Variants in RNMT observed in about 807,000 individuals in gnomAD.
The protein encoded by RNMT is RNA guanine-7 methyltransferase.
Under a neutral mutation model 56.0 loss-of-function variants are expected in RNMT, and 27 were observed. The observed-to-expected ratio is 0.48, with a 90% confidence interval of 0.36 to 0.67. The LOEUF is 0.67. Ranked by LOEUF, RNMT falls within the 30% of genes least tolerant of loss-of-function variation. The pLI is 0.00. For missense variants in RNMT, 519 were observed against 552.1 expected, an observed-to-expected ratio of 0.94 and a Z score of 0.60; for synonymous variants, 184 against 176.2, an observed-to-expected ratio of 1.04 and a Z score of -0.35.
chr18:13,741,660 A>G lies in RNMT; in HGVS notation c.943A>G (p.Ile315Val), dbSNP rs779298591. 35 of 1,613,456 alleles carry G rather than the reference A, an allele frequency of 2.2e-5. No homozygotes were observed. The highest frequency in any genetic ancestry group is 3.0e-5 in the Non-Finnish European group (35 of 1,179,612). ...CERLSPGGYF[I>V]GTTPNSFELI... Reference sequence around the variant, plus strand: ...GAGACTTAGCCCTGGGGGCTATTTTATTGGTACTACTCCCAATAGCTTTGA... The same window carrying G: ...GAGACTTAGCCCTGGGGGCTATTTTGTTGGTACTACTCCCAATAGCTTTGA... Residue 315 changes from isoleucine (I) to valine (V), a missense_variant, in exon 7 of 12, where the codon ATT becomes GTT. By Grantham distance (29) the Ile-to-Val change is conservative. Transcript: ENST00000383314.
At chr18:13,759,460 C>A (rs947695975) in intron 11 of RNMT, among the ~76,000 whole-genome samples, 1 of 152,168 alleles carries the variant, frequency 6.6e-6, no homozygotes, top group Non-Finnish European at 1.5e-5. Flanking sequence ...TTACTTTCTT[C>A]ACAAGGCCCT....
chr18:13,743,323 A>C, intron 8 of RNMT, among the ~76,000 whole-genome samples: 1 of 15,220 alleles, frequency 6.6e-5, no homozygotes, highest in African/African-American at 3.3e-4. Context: ...ACTCCGTCTC[A>C]AAAAAAAAAT....
In RNMT at chr18:13,761,132, A is replaced by G; in HGVS notation, c.*1153A>G. 2.0e-6 allele frequency: 2 copies of G among 985,444 alleles called. No individual in the cohort carries two copies. Among genetic ancestry groups the G allele is most frequent in the Non-Finnish European group, 1.2e-6 (1 of 829,904 alleles). The allele number at this position is 985,444 out of a possible 1,614,324, so 61.0% of individuals were successfully genotyped here. A position where few individuals can be genotyped will look rare whatever the true frequency, so the allele number is the denominator to read the frequency against. On this transcript the variant is annotated 3_prime_UTR_variant, in exon 12 of 12. Coordinates refer to ENST00000383314, the MANE Select transcript of RNMT (RefSeq NM_003799.3). ...AATTCACAATACTTGTTTTAAAAAC[A>G]TAGTGTCTTCATTAGTGTGCATCTA...
Position 13,731,716 on chromosome 18 carries a change from G to T in RNMT, c.199G>T (p.Val67Leu). 6.2e-7 allele frequency: 1 copy of T among 1,613,422 alleles called. No homozygotes were observed. Among genetic ancestry groups the T allele is most frequent in the Non-Finnish European group, 8.5e-7 (1 of 1,179,860 alleles). The change falls in exon 3 of 12, where the codon GTA (valine) becomes TTA (leucine). Residue 67 changes from valine (V) to leucine (L), a missense_variant. Transcript: ENST00000383314. ...GAGAAAAGAGTTTGAAGATGATCTTGTAAAGGAAAGTTCTAGTTGTGGGAA... is the reference window on the plus strand; with the variant it reads ...GAGAAAAGAGTTTGAAGATGATCTTTTAAAGGAAAGTTCTAGTTGTGGGAA... ...RKRKEFEDDL[V>L]KESSSCGKDT...
chr18:13,728,318 TTTTTTTTTTTTTTGTGTGTGTGTGTGTG>T (rs1268693847), intron 1 of RNMT, among the ~76,000 whole-genome samples: 10 of 14,154 alleles, frequency 7.1e-4, no homozygotes, highest in Non-Finnish European at 9.9e-4. Context: ...TTTTTTTTTT[TTTTTTTTTTTTTTGTGTGTGTGTGTGTG>T]TGTGTGTGTG....
At chr18:13,727,401 T>C (rs776034210) in intron 1 of RNMT, among the ~76,000 whole-genome samples, 6 of 152,220 alleles carry the variant, frequency 3.9e-5, no homozygotes, top group Non-Finnish European at 8.8e-5. Context: ...GAGGGACAGC[T>C]CTCTTCCCTA....
At chr18:13,746,463 G>A (rs2044354125) in intron 9 of RNMT, 126 bp downstream of exon 9, 2 of 681,246 alleles carry the variant, frequency 2.9e-6, no homozygotes, top group East Asian at 2.7e-5. Context: ...CACCTAGGAC[G>A]GAGCTTGATA....
In RNMT at chr18:13,760,162, T is replaced by C; in HGVS notation, c.*183T>C. On this transcript the variant is annotated 3_prime_UTR_variant, in exon 12 of 12. Transcript: ENST00000383314. Reference sequence around the variant, plus strand: ...TGTGACAGATGAACTTTTGCATGTGTATATAAGAATGAGTTGGGACCTCTG... The same window carrying C: ...TGTGACAGATGAACTTTTGCATGTGCATATAAGAATGAGTTGGGACCTCTG... 1 of 1,324,176 alleles carries C rather than the reference T, an allele frequency of 7.6e-7. No individual in the cohort carries two copies. Among genetic ancestry groups the C allele is most frequent in the South Asian group, 2.3e-5 (1 of 43,872 alleles). 82.0% of individuals were successfully genotyped at this position (1,324,176 alleles called of 1,614,324 possible).
chr18:13,757,117 C>A (rs1942670), intron 11 of RNMT, among the ~76,000 whole-genome samples: 135,308 of 152,182 alleles, frequency 0.89, 60,229 homozygotes, highest in East Asian at 0.97. Flanking sequence ...GTCTGAAAAC[C>A]ATGTACATAC....
intron 11 of RNMT, 141 bp from the exon 12 acceptor site, chr18:13,759,801 G>A (rs1489587309): frequency 1.5e-6 from 1 of 648,052 alleles, no homozygotes; most frequent in East Asian, 2.8e-5. Flanking sequence ...AATAATAGAG[G>A]AACTCTTAGA....
intron 4 of RNMT, 114 bp downstream of exon 4, chr18:13,734,713 T>C: frequency 2.3e-6 from 2 of 885,142 alleles, no homozygotes; most frequent in South Asian, 2.2e-5. Context: ...TCTTCTAATA[T>C]TTACTTTTGG....
chr18:13,754,159 A>G lies in RNMT; in HGVS notation c.1393+12A>G, dbSNP rs1184715527. On this transcript the variant is annotated intron_variant, in intron 11 of 11. Coordinates refer to ENST00000383314, the MANE Select transcript of RNMT (RefSeq NM_003799.3). ...ATGGGAAGCTACAAGTGAGTATATC[A>G]TCAGCATAGATTAACTGATAATTTC... 2.0e-6 allele frequency: 3 copies of G among 1,532,730 alleles called. No homozygotes were observed. The highest frequency in any genetic ancestry group is 2.7e-6 in the Non-Finnish European group (3 of 1,109,548). 94.9% of individuals were successfully genotyped at this position (1,532,730 alleles called of 1,614,324 possible).
Position 13,731,575 on chromosome 18 carries a change from G to C in RNMT, c.58G>C (p.Ala20Pro), listed in dbSNP as rs61730997. Reference sequence around the variant, plus strand: ...AAAGATGTCTCTTGAACAGGCAAAAGCGTCAGTGAATTCTGAAACAGAGTC... The same window carrying C: ...AAAGATGTCTCTTGAACAGGCAAAACCGTCAGTGAATTCTGAAACAGAGTC... Reference protein sequence around the residue: ...YEKMSLEQAKASVNSETESSF... With the variant: ...YEKMSLEQAKPSVNSETESSF... The change falls in exon 3 of 12, where the codon GCG (alanine) becomes CCG (proline). Residue 20 changes from alanine (A) to proline (P), a missense_variant. Transcript: ENST00000383314. 29,666 of 1,612,768 alleles carry C rather than the reference G, an allele frequency of 0.018. 322 individuals carry two copies. The highest frequency in any genetic ancestry group is 0.04 in the Middle Eastern group (245 of 6,058).
At chr18:13,753,745 TG>T (rs1177002064) in intron 10 of RNMT, among the ~76,000 whole-genome samples, 1 of 150,486 alleles carries the variant, frequency 6.6e-6, no homozygotes, top group Non-Finnish European at 1.5e-5. Context: ...CCCTCCAGTC[TG>T]GGCGACAGAG....
chr18:13,742,971 G>GTT (rs375539841), intron 8 of RNMT: 692 of 143,198 alleles, frequency 4.8e-3, no homozygotes, highest in South Asian at 7.4e-3. Flanking sequence ...AATAGCAAAA[G>GTT]TTTTTTTTTT....
intron 1 of RNMT, among the ~76,000 whole-genome samples, chr18:13,727,563 G>A (rs1382776168): frequency 6.6e-6 from 1 of 152,172 alleles, no homozygotes; most frequent in Non-Finnish European, 1.5e-5. Flanking sequence ...AGGGCAATTG[G>A]GATATTTGTC....
At chr18:13,759,788 T>C (rs892079692) in intron 11 of RNMT, among the ~76,000 whole-genome samples, 154 bp from the exon 12 acceptor site, 1 of 152,184 alleles carries the variant, frequency 6.6e-6, no homozygotes, top group African/African-American at 2.4e-5. Flanking sequence ...TAAAAATGAT[T>C]CAAATAATAG....
chr18:13,740,003 G>A (rs1222558977), intron 5 of RNMT, among the ~76,000 whole-genome samples, 164 bp from the exon 6 acceptor site: 1 of 152,058 alleles, frequency 6.6e-6, no homozygotes, highest in Non-Finnish European at 1.5e-5. Context: ...AAACTGATAG[G>A]GTATTTGCGT....
chr18:13,744,840 C>A lies in RNMT; in HGVS notation c.1140-1380C>A, dbSNP rs544087964. Reference sequence around the variant, plus strand: ...TTTAACTGCTGCCTGAAGTCATCTCCAGGCTCCCTCTTGTTGTCTACAGAT... The same window carrying A: ...TTTAACTGCTGCCTGAAGTCATCTCAAGGCTCCCTCTTGTTGTCTACAGAT... On this transcript the variant is annotated intron_variant, in intron 8 of 11. Transcript: ENST00000383314. Among the ~76,000 whole-genome samples, 12 of 152,298 alleles carry A rather than the reference C, an allele frequency of 7.9e-5. No individual in the cohort carries two copies. The South Asian group carries it at 1.7e-3, about 21-fold the overall frequency.
Sources: allele counts gnomAD v4.1 joint callset (sites outside exome capture counted in the v4.1 genomes callset), GRCh38; gene constraint gnomAD v4.1.1; transcripts MANE v1.5; gene names NCBI Gene and HGNC (gene_info 2026-07-23, HGNC 2026-07-21).